CDKN2D: variants seen among roughly 807,000 people sequenced by gnomAD.
CDKN2D encodes cyclin dependent kinase inhibitor 2D.
Under a neutral mutation model 4.7 loss-of-function variants are expected in CDKN2D, and 3 were observed. The observed-to-expected ratio is 0.64, with a 90% confidence interval of 0.29 to 1.66. The LOEUF is 1.66. CDKN2D is among the 40% of genes most tolerant of loss of function. CDKN2D has a pLI of 0.10. For synonymous variants in CDKN2D, 91 were observed against 102.3 expected, an observed-to-expected ratio of 0.89 and a Z score of 0.67; for missense variants, 196 against 230.9, an observed-to-expected ratio of 0.85 and a Z score of 0.98.
In CDKN2D at chr19:10,567,366, C is replaced by T. The variant is rs756873868; in HGVS notation, c.193G>A (p.Ala65Thr). Reference protein sequence around the residue: ...AIALELLKQGASPNVQDTSGT... With the variant: ...AIALELLKQGTSPNVQDTSGT... ...GAGGTGTCCTGGACATTGGGGCTGG[C>T]ACCTTGCTTCAGCAGCTCCAGGGCG... Residue 65 changes from alanine (A) to threonine (T), a missense_variant, in exon 2 of 2, where the codon GCC becomes ACC. Transcript: ENST00000393599. 5 of 1,614,136 alleles carry T rather than the reference C, an allele frequency of 3.1e-6. No individual in the cohort carries two copies. The highest frequency in any genetic ancestry group is 3.4e-6 in the Non-Finnish European group (4 of 1,180,008).
Sources: gnomAD v4.1 joint callset for allele counts on GRCh38, gnomAD v4.1.1 for gene constraint, MANE v1.5 for transcripts, NCBI Gene and HGNC (gene_info 2026-07-23, HGNC 2026-07-21) for gene names.